Variants in CLEC4C observed in about 807,000 individuals in gnomAD.
The protein encoded by CLEC4C is C-type (calcium dependent, carbohydrate-recognition domain) lectin, superfamily member 11.
CLEC4C carries 17 observed loss-of-function variants against 27.7 expected under a neutral mutation model. That is an observed-to-expected ratio of 0.61 (90% confidence interval 0.42 to 0.92). CLEC4C has a LOEUF of 0.92. Among genes scored for constraint, CLEC4C ranks in the 40% least tolerant of loss-of-function variants. The pLI, the probability that CLEC4C is intolerant of heterozygous loss-of-function variation, is 0.00. For synonymous variants in CLEC4C, 80 were observed against 80.8 expected (o/e 0.99, Z 0.06); for missense variants, 244 against 257.3 (o/e 0.95, Z 0.35).
At chr12:7,741,291 T>A in intron 3 of CLEC4C, 130 bp downstream of exon 3, 1 of 623,152 alleles carries the variant, frequency 1.6e-6, no homozygotes, top group Middle Eastern at 3.0e-4. Context: ...AGATACCAAG[T>A]AGATAGTTAA....
chr12:7,738,215 T>G (rs10444434), intron 3 of CLEC4C, among the ~76,000 whole-genome samples: 2 of 152,184 alleles, frequency 1.3e-5, no homozygotes, highest in African/African-American at 2.4e-5. Context: ...GTGCTGTAAT[T>G]TTGGGAAAAT....
At chr12:7,748,201 A>C (rs1865028966), upstream of CLEC4C, among the ~76,000 whole-genome samples, 1 of 152,168 alleles carries the variant, frequency 6.6e-6, no homozygotes, top group Non-Finnish European at 1.5e-5. Flanking sequence ...ATCTTCCCAG[A>C]GTTCAACTGA....
At chr12:7,739,517 G>T (rs771550408) in intron 3 of CLEC4C, among the ~76,000 whole-genome samples, 1 of 152,086 alleles carries the variant, frequency 6.6e-6, no homozygotes, top group Admixed American at 6.5e-5. Flanking sequence ...GTCTCCCTCC[G>T]GCTCTGCATA....
chr12:7,744,051 A>AACTC (rs1423238774), intron 2 of CLEC4C, among the ~76,000 whole-genome samples: 1 of 152,148 alleles, frequency 6.6e-6, no homozygotes, highest in African/African-American at 2.4e-5. Flanking sequence ...TCAGAGCAAG[A>AACTC]ACTCACTTAT....
upstream of CLEC4C, chr12:7,747,616 T>C (rs1277350775): frequency 2.1e-5 from 7 of 340,980 alleles, no homozygotes; most frequent in South Asian, 7.9e-5. Flanking sequence ...CAGTTCATGG[T>C]TGCAGGTCTG....
intron 2 of CLEC4C, among the ~76,000 whole-genome samples, chr12:7,743,560 G>A (rs1446923536): frequency 7.1e-6 from 1 of 140,644 alleles, no homozygotes; most frequent in Non-Finnish European, 1.6e-5. Flanking sequence ...AATTTTTTTT[G>A]TATTTTTTTT....
chr12:7,743,531 C>CCCACCA, intron 2 of CLEC4C, among the ~76,000 whole-genome samples: 1 of 151,664 alleles, frequency 6.6e-6, no homozygotes, highest in Non-Finnish European at 1.5e-5. Flanking sequence ...ACTACAGGCG[C>CCCACCA]CCGCCACCGC....
upstream of CLEC4C, chr12:7,747,499 A>G (rs960984683): frequency 3.4e-5 from 24 of 710,592 alleles, no homozygotes; most frequent in Admixed American, 8.8e-5. Context: ...AAAGGAAGAG[A>G]TGTGACTTAG....
intron 3 of CLEC4C, among the ~76,000 whole-genome samples, chr12:7,740,953 G>A (rs1475343140): frequency 6.6e-6 from 1 of 151,384 alleles, no homozygotes; most frequent in East Asian, 2.0e-4. Flanking sequence ...CCATTCTCCT[G>A]CCTCAGCCTC....
intron 4 of CLEC4C, among the ~76,000 whole-genome samples, chr12:7,732,566 A>G (rs1451852436): frequency 6.8e-6 from 1 of 147,408 alleles, no homozygotes; most frequent in Non-Finnish European, 1.5e-5. Flanking sequence ...GTTGGCCAGG[A>G]TGGTCTCGAT....
At chr12:7,744,251 T>C (rs914979331) in intron 2 of CLEC4C, among the ~76,000 whole-genome samples, 7 of 152,364 alleles carry the variant, frequency 4.6e-5, no homozygotes, top group African/African-American at 1.4e-4. Context: ...TTAAGCCCTT[T>C]TGTCTCTTGC....
rs372099582 is a variant in CLEC4C at position 7,737,413 on chromosome 12, G to T, written c.381+16C>A. On this transcript the variant is annotated intron_variant, in intron 4 of 5. Transcript: ENST00000360345. ...AGGAAACAGATTAGCTGACCACCTT[G>T]CCTGTTAGAACATACCTGTTCTTCC... 48 of 1,577,550 alleles carry T rather than the reference G, an allele frequency of 3.0e-5. No homozygotes were observed. Among genetic ancestry groups the T allele is most frequent in the African/African-American group, 3.0e-4 (22 of 73,168 alleles).
chr12:7,737,232 A>C lies in CLEC4C; in HGVS notation c.381+197T>G, dbSNP rs189669077. ...GGTGACAAAAGGAGACAGTCCCCCC[A>C]AAAAAAATAAAAATAAAAGTCATTT... On this transcript the variant is annotated intron_variant, in intron 4 of 5. Transcript: ENST00000360345. Among the ~76,000 whole-genome samples the C allele has an allele frequency of 5.9e-3, 896 of 151,872 alleles. 4 individuals carry two copies. Among genetic ancestry groups the C allele is most frequent in the African/African-American group, 0.017 (690 of 41,464 alleles).
intron 4 of CLEC4C, 67 bp from the exon 5 acceptor site, chr12:7,730,979 G>A (rs754430667): frequency 4.8e-5 from 36 of 754,902 alleles, no homozygotes; most frequent in Non-Finnish European, 3.8e-5. Context: ...GACGAACACC[G>A]CCACTTTAAG....
chr12:7,740,999 C>T (rs926672416), intron 3 of CLEC4C, among the ~76,000 whole-genome samples: 1 of 152,000 alleles, frequency 6.6e-6, no homozygotes, highest in African/African-American at 2.4e-5. Flanking sequence ...TGCCACTGCA[C>T]CCAGCTAATT....
At chr12:7,739,123 T>C (rs1346603518) in intron 3 of CLEC4C, among the ~76,000 whole-genome samples, 2 of 151,740 alleles carry the variant, frequency 1.3e-5, no homozygotes, top group Admixed American at 6.6e-5. Flanking sequence ...ATTTCATTCT[T>C]TTTTTTTGAG....
At chr12:7,735,965 G>C (rs2120386115) in intron 4 of CLEC4C, among the ~76,000 whole-genome samples, 1 of 151,972 alleles carries the variant, frequency 6.6e-6, no homozygotes, top group African/African-American at 2.4e-5. Context: ...TTTAATAGCA[G>C]GATAGACATA....
chr12:7,729,912 T>C (rs1215854155), intron 5 of CLEC4C, among the ~76,000 whole-genome samples, 172 bp from the exon 6 acceptor site: 2 of 152,164 alleles, frequency 1.3e-5, no homozygotes, highest in African/African-American at 4.8e-5. Context: ...CAGTTTCCTC[T>C]CCACTTGTGT....
chr12:7,748,306 T>C (rs1865032305), upstream of CLEC4C, among the ~76,000 whole-genome samples: 1 of 152,068 alleles, frequency 6.6e-6, no homozygotes. Context: ...GGTGGGCGGA[T>C]CACGAGGTCA....
Sources: allele counts gnomAD v4.1 joint callset (sites outside exome capture counted in the v4.1 genomes callset), GRCh38; gene constraint gnomAD v4.1.1; transcripts MANE v1.5; gene names NCBI Gene and HGNC (gene_info 2026-07-23, HGNC 2026-07-21).